Variants in HPCAL4 observed in about 807,000 individuals in gnomAD.
The protein encoded by HPCAL4 is hippocalcin-like protein 4.
In HPCAL4, 16 loss-of-function variants were observed where a neutral mutation model predicts 18.2. The observed-to-expected ratio is 0.88, with a 90% CI of 0.59 to 1.33. The LOEUF (loss-of-function observed/expected upper bound fraction) is 1.33. HPCAL4 is among the 40% of genes most tolerant of loss of function. The pLI, the probability that HPCAL4 is intolerant of heterozygous loss-of-function variation, is 0.00. For missense variants in HPCAL4, 214 were observed against 256.6 expected, an observed-to-expected ratio of 0.83 and a Z score of 1.14; for synonymous variants, 80 against 97.5, an observed-to-expected ratio of 0.82 and a Z score of 1.06.
At position 39,681,003 on chromosome 1, in the gene HPCAL4, A is replaced by T. The variant is rs1285600778; in HGVS notation, c.*1533T>A. 3.3e-5 allele frequency: 5 copies of T among 152,796 alleles called. No individual in the cohort carries two copies. Among genetic ancestry groups the T allele is most frequent in the African/African-American group, 9.6e-5 (4 of 41,586 alleles). The allele number at this position is 152,796 out of a possible 1,614,324, so 9.5% of individuals were successfully genotyped here. ...CTGTTTTCACCGGCAGTTCAAGAGG[A>T]AATCAACTGTCACTGCACGTCAAAG... On this transcript the variant is annotated 3_prime_UTR_variant, in exon 4 of 4. Transcript: ENST00000372844.
chr1:39,684,072 G>C lies in HPCAL4; in HGVS notation c.243C>G (p.Asp81Glu). 6.2e-7 allele frequency: 1 copy of C among 1,614,030 alleles called. No homozygotes were observed. Among genetic ancestry groups the C allele is most frequent in the Non-Finnish European group, 8.5e-7 (1 of 1,179,920 alleles). Residue 81 changes from aspartate (D) to glutamate (E), a missense_variant, in exon 3 of 4, where the codon GAC becomes GAG. Transcript: ENST00000372844. ...TFDKNGDGTI[D>E]FREFICALSV... Reference sequence around the variant, plus strand: ...ACAGGGCGCAGATGAACTCCCGGAAGTCGATGGTGCCGTCGCCGTTCTTGT... The same window carrying C: ...ACAGGGCGCAGATGAACTCCCGGAACTCGATGGTGCCGTCGCCGTTCTTGT...
rs1234333232 is a variant in HPCAL4 at position 39,682,286 on chromosome 1, A to G, written c.*250T>C. 9 of 522,232 alleles carry G rather than the reference A, an allele frequency of 1.7e-5. No individual in the cohort carries two copies. Among genetic ancestry groups the G allele is most frequent in the African/African-American group, 1.7e-4 (9 of 52,294 alleles). The allele number at this position is 522,232 out of a possible 1,614,324, so 32.3% of individuals were successfully genotyped here. The stretch of plus-strand genomic sequence containing the variant: ...GGCAAAAGCCAACTCCCCTATGCCC[A>G]ATGGACATTGGTTCTGGCCAAGTGG... On this transcript the variant is annotated 3_prime_UTR_variant, in exon 4 of 4. Coordinates refer to ENST00000372844, the MANE Select transcript of HPCAL4 (RefSeq NM_016257.4).
rs960377179 is a variant in HPCAL4 at position 39,681,103 on chromosome 1, G to A, written c.*1433C>T. ...TTAATTTTTCCGGCAGTCAAAGCAT[G>A]CAGCTGTATAGCTCATGGATCCAAA... On this transcript the variant is annotated 3_prime_UTR_variant, in exon 4 of 4. Transcript: ENST00000372844. The A allele has an allele frequency of 1.3e-5, 2 of 152,562 alleles. No individual in the cohort carries two copies. The highest frequency in any genetic ancestry group is 1.3e-4 in the Admixed American group (2 of 15,280). The allele number at this position is 152,562 out of a possible 1,614,324, so 9.5% of individuals were successfully genotyped here. A position where few individuals can be genotyped will look rare whatever the true frequency, so the allele number is the denominator to read the frequency against.
intron 1 of HPCAL4, among the ~76,000 whole-genome samples, chr1:39,685,972 G>A (rs1206387100): frequency 6.6e-6 from 1 of 151,586 alleles, no homozygotes; most frequent in Non-Finnish European, 1.5e-5. Flanking sequence ...ACGAGGTCAG[G>A]AGATCAAGAC....
At position 39,682,505 on chromosome 1, in the gene HPCAL4, T is replaced by C. The variant is rs368956352; in HGVS notation, c.*31A>G. ...CAGGTTGGGAGGTGGCCATGCCCCT[T>C]CTGGCCAGGGACCCTGCCCCTCACC... is the stretch of plus-strand genomic sequence containing the variant. On this transcript the variant is annotated 3_prime_UTR_variant, in exon 4 of 4. Transcript: ENST00000372844. 1,385 of 1,611,230 alleles carry C rather than the reference T, an allele frequency of 8.6e-4. 21 individuals are homozygous for C. In the South Asian group the frequency reaches 0.014, roughly 17 times the overall value.
intron 1 of HPCAL4, among the ~76,000 whole-genome samples, chr1:39,689,516 A>G (rs538758): frequency 0.32 from 48,412 of 152,156 alleles, 8,015 homozygotes; most frequent in African/African-American, 0.35. Flanking sequence ...CCCCAGGTCA[A>G]CTATAGCCCA....
chr1:39,685,089 C>A (rs528065741), intron 1 of HPCAL4, among the ~76,000 whole-genome samples: 4 of 152,348 alleles, frequency 2.6e-5, no homozygotes, highest in African/African-American at 9.6e-5. Flanking sequence ...GAGCTTCTCT[C>A]CCTCTTTCCT....
At chr1:39,689,029 C>CCCCT (rs1012996980) in intron 1 of HPCAL4, among the ~76,000 whole-genome samples, 2 of 152,170 alleles carry the variant, frequency 1.3e-5, no homozygotes, top group African/African-American at 4.8e-5. Context: ...TTGCATTAAA[C>CCCCT]CCCTGCCTGA....
At chr1:39,688,495 G>T (rs1646694384) in intron 1 of HPCAL4, among the ~76,000 whole-genome samples, 1 of 152,190 alleles carries the variant, frequency 6.6e-6, no homozygotes, top group Admixed American at 6.5e-5. Context: ...ACAGCCGAGG[G>T]GGCTGAAATC....
chr1:39,683,869 C>T, intron 3 of HPCAL4, 68 bp downstream of exon 3: 1 of 1,417,956 alleles, frequency 7.1e-7, no homozygotes. Flanking sequence ...CCGAGAGCAG[C>T]GCGGAGGCAG....
intron 2 of HPCAL4, 39 bp downstream of exon 2, chr1:39,684,403 G>A (rs1408929164): frequency 2.4e-6 from 3 of 1,263,424 alleles, no homozygotes; most frequent in Non-Finnish European, 2.0e-6. Context: ...CCCCCAACCC[G>A]GGTACTTGGC....
In HPCAL4 at chr1:39,681,048, A is replaced by G. The variant is rs1269158274; in HGVS notation, c.*1488T>C. On this transcript the variant is annotated 3_prime_UTR_variant, in exon 4 of 4. Transcript: ENST00000372844. ...TCAAAGGTAATTTCTGATCACAAGT[A>G]CAGGAGAAAGACCTGATGAAGAAGC... 1 of 152,672 alleles carries G rather than the reference A, an allele frequency of 6.5e-6. No individual in the cohort carries two copies. Among genetic ancestry groups the G allele is most frequent in the Admixed American group, 6.5e-5 (1 of 15,286 alleles). The allele number at this position is 152,672 out of a possible 1,614,324, so 9.5% of individuals were successfully genotyped here.
chr1:39,682,434 G>A lies in HPCAL4; in HGVS notation c.*102C>T. The A allele has an allele frequency of 1.9e-6, 2 of 1,075,502 alleles. No individual in the cohort carries two copies. Among genetic ancestry groups the A allele is most frequent in the Non-Finnish European group, 2.8e-6 (2 of 720,562 alleles). 66.6% of individuals were successfully genotyped at this position (1,075,502 alleles called of 1,614,324 possible). On this transcript the variant is annotated 3_prime_UTR_variant, in exon 4 of 4. Coordinates refer to ENST00000372844, the MANE Select transcript of HPCAL4 (RefSeq NM_016257.4). The stretch of plus-strand genomic sequence containing the variant: ...CAGAGGACTGGGTGGGCCAGAGAGG[G>A]GGGCTGGAGTGTCCCTCCTCCTGGG...
Position 39,679,861 on chromosome 1 carries a change from C to A in HPCAL4, c.*2675G>T, listed in dbSNP as rs944909826. The A allele has an allele frequency of 6.6e-6, 1 of 152,240 alleles. No homozygotes were observed. The highest frequency in any genetic ancestry group is 1.5e-5 in the Non-Finnish European group (1 of 68,032). The allele number at this position is 152,240 out of a possible 1,614,324, so 9.4% of individuals were successfully genotyped here. On this transcript the variant is annotated 3_prime_UTR_variant, in exon 4 of 4. Coordinates refer to ENST00000372844, the MANE Select transcript of HPCAL4 (RefSeq NM_016257.4). ...GTCTGAGAATATTGGGCCTGAGGAG[C>A]AAAAATCACCCATGGGTATGTGTGT... is the stretch of plus-strand genomic sequence containing the variant.
Position 39,683,932 on chromosome 1 carries a change from C to G in HPCAL4, c.378+5G>C. The G allele has an allele frequency of 6.2e-7, 1 of 1,612,296 alleles. No homozygotes were observed. ...GGGAACAGCAGCGCCCGCGCGGCCC[C>G]GCACCTCGATGATCTCCAGCATCTC... On this transcript the variant is annotated splice_donor_5th_base_variant and intron_variant, in intron 3 of 3. Coordinates refer to ENST00000372844, the MANE Select transcript of HPCAL4 (RefSeq NM_016257.4).
rs1227768090 is a variant in HPCAL4, at chr1:39,679,163, A to G, written c.*3373T>C. ...TGTAAAAAATATTTAGTGTCAGCTT[A>G]CTACCCTGCCTGGAGACCCCAGCTT... is the stretch of plus-strand genomic sequence containing the variant. On this transcript the variant is annotated 3_prime_UTR_variant, in exon 4 of 4. Transcript: ENST00000372844. 2.0e-5 allele frequency: 3 copies of G among 149,292 alleles called. No individual in the cohort carries two copies. Among genetic ancestry groups the G allele is most frequent in the Admixed American group, 1.4e-4 (2 of 14,712 alleles). The allele number at this position is 149,292 out of a possible 1,614,324, so 9.2% of individuals were successfully genotyped here.
intron 1 of HPCAL4, among the ~76,000 whole-genome samples, chr1:39,687,902 C>CAAAA (rs201550064): frequency 3.9e-5 from 4 of 101,704 alleles, no homozygotes; most frequent in Non-Finnish European, 5.6e-5. Context: ...GACCCTGTCT[C>CAAAA]AAAAAAAAAA....
intron 1 of HPCAL4, among the ~76,000 whole-genome samples, chr1:39,686,751 CA>C (rs779177589): frequency 1.3e-5 from 2 of 152,272 alleles, no homozygotes; most frequent in East Asian, 3.9e-4. Flanking sequence ...ACCTTGAAGG[CA>C]GAGTGGACCC....
rs1018507739 is a variant in HPCAL4 at position 39,682,348 on chromosome 1, T to C, written c.*188A>G. 1 of 600,828 alleles carries C rather than the reference T, an allele frequency of 1.7e-6. No homozygotes were observed. The highest frequency in any genetic ancestry group is 1.9e-5 in the African/African-American group (1 of 53,884). 37.2% of individuals were successfully genotyped at this position (600,828 alleles called of 1,614,324 possible). ...AGAAGACAGGGTACTGGAGGACCTG[T>C]CTCTTTTGCAGGGTGAGGTGGTCCC... On this transcript the variant is annotated 3_prime_UTR_variant, in exon 4 of 4. Transcript: ENST00000372844.
Sources: gnomAD v4.1 joint callset for allele counts (sites outside exome capture counted in the v4.1 genomes callset) on GRCh38, gnomAD v4.1.1 for gene constraint, MANE v1.5 for transcripts, NCBI Gene and HGNC (gene_info 2026-07-23, HGNC 2026-07-21) for gene names.